The following HACE1 variants were observed in gnomAD, a reference collection of about 807,000 sequenced individuals.
HACE1 encodes E3 ubiquitin-protein ligase HACE1.
A neutral mutation model predicts 118.4 loss-of-function variants in HACE1; 73 were observed. The observed-to-expected ratio is 0.62, with a 90% CI of 0.51 to 0.75. HACE1 has a LOEUF of 0.75. HACE1 is among the 30% of genes least tolerant of loss of function. The probability of loss-of-function intolerance (pLI) is 0.00; values close to 1 mark genes in which losing one functional copy is unlikely to be tolerated. For synonymous variants in HACE1, 368 were observed against 374.8 expected (o/e 0.98, Z 0.21); for missense variants, 749 against 1,102.2 (o/e 0.68, Z 4.54).
At chr6:104,786,319 T>G (rs1205650767) in intron 11 of HACE1, 1 of 138,714 alleles carries the variant, frequency 7.2e-6, no homozygotes, top group African/African-American at 2.8e-5. Context: ...CCAGCCTGGG[T>G]GACAGGGCGA....
chr6:104,769,211 T>G (rs1282150565), intron 19 of HACE1, among the ~76,000 whole-genome samples: 5 of 152,112 alleles, frequency 3.3e-5, no homozygotes, highest in Non-Finnish European at 7.4e-5. Flanking sequence ...ATTTTTTTAT[T>G]TTTTATAGAG....
In HACE1 at chr6:104,784,096, A is replaced by G. The variant is rs1262655782; in HGVS notation, c.1556T>C (p.Ile519Thr). The G allele has an allele frequency of 1.9e-6, 3 of 1,555,494 alleles. No individual in the cohort carries two copies. Among genetic ancestry groups the G allele is most frequent in the Non-Finnish European group, 2.7e-6 (3 of 1,126,998 alleles). Residue 519 changes from isoleucine to threonine, a missense_variant, in exon 14 of 24, where the codon ATA becomes ACA. Ile to Thr is a moderately conservative substitution (Grantham distance 89). Transcript: ENST00000262903. ...PELMSRFMHI[I>T]KAQPFKDRCE... Reference sequence around the variant, plus strand: ...AAGAAAAATTTCTACCTGTGCTTTTATGATATGCATGAATCTTGACATCAA... The same window carrying G: ...AAGAAAAATTTCTACCTGTGCTTTTGTGATATGCATGAATCTTGACATCAA...
chr6:104,758,043 C>G (rs1778911003), intron 19 of HACE1, among the ~76,000 whole-genome samples: 1 of 152,028 alleles, frequency 6.6e-6, no homozygotes, highest in Non-Finnish European at 1.5e-5. Context: ...AAATATGGGA[C>G]TATGTGAAAA....
intron 7 of HACE1, among the ~76,000 whole-genome samples, chr6:104,808,769 T>C (rs1771298770): frequency 6.6e-6 from 1 of 152,176 alleles, no homozygotes; most frequent in African/African-American, 2.4e-5. Context: ...GGGAATAACT[T>C]ATATTTTTAA....
At chr6:104,730,587 G>C in intron 22 of HACE1, 171 bp from the exon 23 acceptor site, 1 of 607,280 alleles carries the variant, frequency 1.6e-6, no homozygotes, top group South Asian at 1.8e-5. Flanking sequence ...TTTGTGATTA[G>C]TTAGCAAGCT....
Position 104,785,181 on chromosome 6 carries a change from T to G in HACE1, c.1213A>C (p.Ile405Leu). 1 of 1,614,078 alleles carries G rather than the reference T, an allele frequency of 6.2e-7. No individual in the cohort carries two copies. The change falls in exon 12 of 24, where the codon ATT (isoleucine) becomes CTT (leucine). Residue 405 changes from isoleucine (I) to leucine (L), a missense_variant. Ile to Leu is a conservative substitution (Grantham distance 5). Coordinates refer to ENST00000262903, the MANE Select transcript of HACE1 (RefSeq NM_020771.4). ...GGTCCTGGAGGTTCAAATGGAGGAATGGAAGCAGCATCTTGATCTTGGCCT... is the reference window on the plus strand; with the variant it reads ...GGTCCTGGAGGTTCAAATGGAGGAAGGGAAGCAGCATCTTGATCTTGGCCT... ...QKGQDQDAAS[I>L]PPFEPPGPGS...
At chr6:104,825,327 G>A (rs73768830) in intron 6 of HACE1, among the ~76,000 whole-genome samples, 5,209 of 152,172 alleles carry the variant, frequency 0.034, 282 homozygotes, top group African/African-American at 0.12. Flanking sequence ...ATGGGAAATT[G>A]AAAGTACCAC....
intron 10 of HACE1, among the ~76,000 whole-genome samples, chr6:104,793,475 T>C (rs888521336): frequency 2.0e-5 from 3 of 152,164 alleles, no homozygotes; most frequent in Admixed American, 6.6e-5. Context: ...AATATAAACA[T>C]AGCATTATGT....
intron 1 of HACE1, among the ~76,000 whole-genome samples, chr6:104,858,221 A>G (rs1231620085): frequency 6.6e-6 from 1 of 152,242 alleles, no homozygotes; most frequent in Non-Finnish European, 1.5e-5. Context: ...ACTAGACAAT[A>G]TAAATTATAC....
At chr6:104,831,579 C>T (rs1176327529) in intron 6 of HACE1, among the ~76,000 whole-genome samples, 7 of 137,540 alleles carry the variant, frequency 5.1e-5, no homozygotes, top group Non-Finnish European at 1.1e-4. Context: ...AGCGAGCCTC[C>T]GTCTCAAAAA....
chr6:104,832,681 G>A (rs1258903596), intron 6 of HACE1, among the ~76,000 whole-genome samples: 2 of 151,990 alleles, frequency 1.3e-5, no homozygotes, highest in Non-Finnish European at 2.9e-5. Context: ...GTGAGCCACG[G>A]CTCCCAGCCC....
At chr6:104,799,273 G>C (rs929092790) in intron 7 of HACE1, among the ~76,000 whole-genome samples, 12 of 152,096 alleles carry the variant, frequency 7.9e-5, no homozygotes, top group African/African-American at 2.9e-4. Flanking sequence ...ACCTAACTTG[G>C]GAGTATATAT....
chr6:104,859,408 A>G (rs1412766783), intron 1 of HACE1, 159 bp downstream of exon 1: 2 of 600,662 alleles, frequency 3.3e-6, no homozygotes, highest in Admixed American at 3.7e-5. Context: ...GGGCCAGGGG[A>G]GTTCGGGGCC....
At chr6:104,819,191 G>C (rs1447608106) in intron 6 of HACE1, among the ~76,000 whole-genome samples, 1 of 152,156 alleles carries the variant, frequency 6.6e-6, no homozygotes, top group African/African-American at 2.4e-5. Flanking sequence ...CCTCAACAAA[G>C]TCTCAGAATA....
At chr6:104,825,921 C>T (rs1399542725) in intron 6 of HACE1, among the ~76,000 whole-genome samples, 1 of 152,082 alleles carries the variant, frequency 6.6e-6, no homozygotes, top group Non-Finnish European at 1.5e-5. Flanking sequence ...TGTGCTATGC[C>T]CTCCTCTAGA....
intron 7 of HACE1, among the ~76,000 whole-genome samples, chr6:104,805,172 T>C (rs976378618): frequency 1.3e-5 from 2 of 152,152 alleles, no homozygotes; most frequent in Non-Finnish European, 2.9e-5. Flanking sequence ...CTCACGCCAG[T>C]TAGAATGGCG....
intron 7 of HACE1, among the ~76,000 whole-genome samples, chr6:104,799,852 T>C (rs1042268565): frequency 5.9e-5 from 9 of 152,006 alleles, no homozygotes; most frequent in African/African-American, 1.7e-4. Context: ...CCAAATGAGG[T>C]ACCTGGTCGA....
intron 19 of HACE1, 135 bp from the exon 20 acceptor site, chr6:104,750,607 A>G (rs543215731): frequency 2.4e-6 from 2 of 820,822 alleles, no homozygotes; most frequent in Admixed American, 4.4e-5. Context: ...TCAGCAAATC[A>G]GCAAGCCACT....
At chr6:104,850,382 A>G (rs1271987197) in intron 3 of HACE1, among the ~76,000 whole-genome samples, 3 of 152,192 alleles carry the variant, frequency 2.0e-5, no homozygotes, top group Admixed American at 6.5e-5. Flanking sequence ...ACTTCAAAGA[A>G]ACCATATGAT....
Sources: allele counts gnomAD v4.1 joint callset (sites outside exome capture counted in the v4.1 genomes callset), GRCh38; gene constraint gnomAD v4.1.1; transcripts MANE v1.5; gene names NCBI Gene and HGNC (gene_info 2026-07-23, HGNC 2026-07-21).